The following CRELD1 variants were observed in gnomAD, a reference collection of about 807,000 sequenced individuals.
CRELD1 encodes the protein protein disulfide isomerase CRELD1.
A neutral mutation model predicts 58.2 loss-of-function variants in CRELD1; 42 were observed. That is an observed-to-expected ratio of 0.72 (90% confidence interval 0.56 to 0.93). The LOEUF (loss-of-function observed/expected upper bound fraction) is 0.93, where lower values mean the gene tolerates loss of function less well. Ranked by LOEUF, CRELD1 falls within the 40% of genes least tolerant of loss-of-function variation. The pLI is 0.00. For missense variants in CRELD1, 500 were observed against 540.6 expected, an observed-to-expected ratio of 0.92 and a Z score of 0.74; for synonymous variants, 222 against 202.0, an observed-to-expected ratio of 1.10 and a Z score of -0.84.
At position 9,943,452 on chromosome 3, in the gene CRELD1, C is replaced by G. The variant is rs28942091; in HGVS notation, c.985C>G (p.Arg329Gly). 5 of 1,613,852 alleles carry G rather than the reference C, an allele frequency of 3.1e-6. No homozygotes were observed. Among genetic ancestry groups the G allele is most frequent in the Non-Finnish European group, 4.2e-6 (5 of 1,179,952 alleles). ...GTGTGAAAACACCGAGGGCGGTTAT[C>G]GCTGCATCTGTGCCGAGGGCTACAA... ...KQCENTEGGY[R>G]CICAEGYKQM... The change falls in exon 10 of 11, where the codon CGC (arginine) becomes GGC (glycine). Residue 329 changes from arginine to glycine, a missense_variant. By Grantham distance (125) the Arg-to-Gly change is moderately radical. Coordinates refer to ENST00000452070, the MANE Select transcript of CRELD1 (RefSeq NM_001077415.3).
chr3:9,939,326 G>T (rs1381443956), intron 5 of CRELD1, among the ~76,000 whole-genome samples: 1 of 151,768 alleles, frequency 6.6e-6, no homozygotes, highest in Non-Finnish European at 1.5e-5. Flanking sequence ...ATATTATCTT[G>T]TTTTTTTTGT....
rs191670958 is a variant in CRELD1 at position 9,936,476 on chromosome 3, T to C, written c.258-1086T>C. Among the ~76,000 whole-genome samples, 130 of 152,138 alleles carry C rather than the reference T, an allele frequency of 8.5e-4. 1 individual carries two copies. The East Asian group carries it at 0.024, about 28-fold the overall frequency. On this transcript the variant is annotated intron_variant, in intron 3 of 10. Coordinates refer to ENST00000452070, the MANE Select transcript of CRELD1 (RefSeq NM_001077415.3). The stretch of plus-strand genomic sequence containing the variant: ...TTATATATGTGTGTATATATATGTG[T>C]GTGTGTATATATATATGTGTGTGTA...
rs1020316171 is a variant in CRELD1 at position 9,943,256 on chromosome 3, G to A, written c.913+84G>A. ...TGAAGAGGCTGGAATATGGGCAGGT[G>A]GGGGAAGGAAGGGTGGAATGTTGCC... On this transcript the variant is annotated intron_variant, in intron 9 of 10. Transcript: ENST00000452070. 2 of 1,590,038 alleles carry A rather than the reference G, an allele frequency of 1.3e-6. No homozygotes were observed. Among genetic ancestry groups the A allele is most frequent in the Non-Finnish European group, 1.7e-6 (2 of 1,159,154 alleles).
rs778992866 is a variant in CRELD1 at position 9,943,523 on chromosome 3, C to T, written c.1048+8C>T. On this transcript the variant is annotated splice_region_variant and intron_variant, in intron 10 of 10. Coordinates refer to ENST00000452070, the MANE Select transcript of CRELD1 (RefSeq NM_001077415.3). The stretch of plus-strand genomic sequence containing the variant: ...TGAAGGAGCAGATCCCAGGTGAGCC[C>T]TGGGGCGGGAGAGGGGAGGTCCTCA... 1.3e-5 allele frequency: 21 copies of T among 1,613,864 alleles called. No individual in the cohort carries two copies. The highest frequency in any genetic ancestry group is 1.8e-5 in the Non-Finnish European group (21 of 1,179,986).
intron 1 of CRELD1, chr3:9,934,217 C>T (rs961157865): frequency 5.1e-6 from 3 of 586,216 alleles, no homozygotes; most frequent in Non-Finnish European, 9.2e-6. Context: ...CCCATGCTAG[C>T]GAGGATAACT....
chr3:9,944,265 G>A lies in CRELD1; in HGVS notation c.1049-100G>A, dbSNP rs1362059212. On this transcript the variant is annotated intron_variant, in intron 10 of 10. Transcript: ENST00000452070. ...GTGCCTGGCTTGCTGGGCAGGCCTGGTGGCCATGATGATCAGGTGTGTGGG... is the reference window on the plus strand; with the variant it reads ...GTGCCTGGCTTGCTGGGCAGGCCTGATGGCCATGATGATCAGGTGTGTGGG... The A allele has an allele frequency of 2.7e-6, 3 of 1,096,794 alleles. No individual in the cohort carries two copies. In the African/African-American group the frequency reaches 4.6e-5, roughly 17 times the overall value. 67.9% of individuals were successfully genotyped at this position (1,096,794 alleles called of 1,614,324 possible).
At position 9,937,555 on chromosome 3, in the gene CRELD1, C is replaced by G. The variant is rs372228097; in HGVS notation, c.258-7C>G. The stretch of plus-strand genomic sequence containing the variant: ...TGTTTCCCACCAGCCCTGCCCTGTC[C>G]GATCAGTGAGACCCGCCTGGTAGAG... On this transcript the variant is annotated splice_region_variant and splice_polypyrimidine_tract_variant and intron_variant, in intron 3 of 10. Coordinates refer to ENST00000452070, the MANE Select transcript of CRELD1 (RefSeq NM_001077415.3). 7 of 1,602,808 alleles carry G rather than the reference C, an allele frequency of 4.4e-6. No homozygotes were observed. Among genetic ancestry groups the G allele is most frequent in the Non-Finnish European group, 6.0e-6 (7 of 1,173,106 alleles).
chr3:9,938,206 C>G (rs921851984), intron 5 of CRELD1, 100 bp downstream of exon 5: 10 of 905,818 alleles, frequency 1.1e-5, no homozygotes, highest in Non-Finnish European at 1.6e-5. Context: ...TCAGGCTACT[C>G]AGATAAACTT....
intron 1 of CRELD1, 80 bp downstream of exon 1, chr3:9,934,000 A>G: frequency 3.3e-6 from 1 of 305,468 alleles, no homozygotes; most frequent in Admixed American, 4.9e-5. Context: ...TTCCCTTCAT[A>G]TCCGGATCCG....
rs79347269 is a variant in CRELD1 at position 9,937,932 on chromosome 3, C to T, written c.369-83C>T. On this transcript the variant is annotated intron_variant, in intron 4 of 10. Coordinates refer to ENST00000452070, the MANE Select transcript of CRELD1 (RefSeq NM_001077415.3). ...TCCAAGCTGGGTTGAATCACAGATT[C>T]AGGCATGGGGGAATGGGAACAGCAC... 2.8e-3 allele frequency: 2,829 copies of T among 1,012,824 alleles called. 61 individuals carry two copies. In the East Asian group the frequency reaches 0.05, roughly 18 times the overall value. The allele number at this position is 1,012,824 out of a possible 1,614,324, so 62.7% of individuals were successfully genotyped here. A position where few individuals can be genotyped will look rare whatever the true frequency, so the allele number is the denominator to read the frequency against.
intron 7 of CRELD1, among the ~76,000 whole-genome samples, chr3:9,941,651 G>A (rs978239078): frequency 5.3e-5 from 8 of 151,844 alleles, no homozygotes; most frequent in Admixed American, 1.3e-4. Flanking sequence ...TTAGCTGGGC[G>A]TGGTGGCGGG....
Position 9,944,655 on chromosome 3 carries a change from C to G in CRELD1, c.*76C>G, listed in dbSNP as rs2085471649. On this transcript the variant is annotated 3_prime_UTR_variant, in exon 11 of 11. Transcript: ENST00000452070. Reference sequence around the variant, plus strand: ...TTGGGCTGCCCTCCTGCTGGACACTCAGGACAGCTTGGTTTATTTTTGAGA... The same window carrying G: ...TTGGGCTGCCCTCCTGCTGGACACTGAGGACAGCTTGGTTTATTTTTGAGA... 5 of 1,344,016 alleles carry G rather than the reference C, an allele frequency of 3.7e-6. No individual in the cohort carries two copies. In the Admixed American group the frequency reaches 7.9e-5, roughly 21 times the overall value. 83.3% of individuals were successfully genotyped at this position (1,344,016 alleles called of 1,614,324 possible).
At chr3:9,935,373 C>T (rs367990511) in intron 3 of CRELD1, among the ~76,000 whole-genome samples, 3 of 152,262 alleles carry the variant, frequency 2.0e-5, no homozygotes, top group African/African-American at 7.2e-5. Context: ...TCGAGGGCTA[C>T]AGAAAAGAGT....
chr3:9,937,301 A>T (rs1190131792), intron 3 of CRELD1, among the ~76,000 whole-genome samples: 1 of 152,122 alleles, frequency 6.6e-6, no homozygotes, highest in Non-Finnish European at 1.5e-5. Context: ...GTTACAACAA[A>T]CCTGCAGGGA....
rs774031552 is a variant in CRELD1 at position 9,937,567 on chromosome 3, C to T, written c.263C>T (p.Thr88Ile). The T allele has an allele frequency of 1.9e-6, 3 of 1,610,106 alleles. No homozygotes were observed. The South Asian group carries it at 3.3e-5, about 18-fold the overall frequency. Residue 88 changes from threonine (T) to isoleucine (I), a missense_variant, in exon 4 of 11, where the codon ACC (threonine) becomes ATC (isoleucine). Thr to Ile is a moderately conservative substitution (Grantham distance 89). Coordinates refer to ENST00000452070, the MANE Select transcript of CRELD1 (RefSeq NM_001077415.3). ...GCCCTGCCCTGTCCGATCAGTGAGA[C>T]CCGCCTGGTAGAGGTGCTGGAGGGT... ...ENLSKYKDSETRLVEVLEGVC... is the reference protein window; with the variant it reads ...ENLSKYKDSEIRLVEVLEGVC...
At chr3:9,941,247 GC>G in intron 7 of CRELD1, 41 bp downstream of exon 7, 1 of 1,563,236 alleles carries the variant, frequency 6.4e-7, no homozygotes, top group Non-Finnish European at 8.8e-7. Flanking sequence ...ATGGTCAGGG[GC>G]CTGGGCTTGG....
chr3:9,939,730 T>C (rs1054477660), intron 5 of CRELD1, among the ~76,000 whole-genome samples: 7 of 151,218 alleles, frequency 4.6e-5, no homozygotes, highest in Middle Eastern at 3.4e-3. Flanking sequence ...CCGTGTCTAC[T>C]TCTTTCTACA....
intron 5 of CRELD1, chr3:9,938,473 G>A (rs2085256981): frequency 1.2e-5 from 3 of 241,914 alleles, no homozygotes; most frequent in Middle Eastern, 2.9e-3. Context: ...CCTGGCACAA[G>A]AGCTGAACTT....
At chr3:9,937,697 G>C in intron 4 of CRELD1, 25 bp downstream of exon 4, 1 of 1,521,722 alleles carries the variant, frequency 6.6e-7, no homozygotes. Context: ...GCCTTCCCTG[G>C]AAGTGGGTCA....
Sources: gnomAD v4.1 joint callset for allele counts (sites outside exome capture counted in the v4.1 genomes callset) on GRCh38, gnomAD v4.1.1 for gene constraint, MANE v1.5 for transcripts, NCBI Gene and HGNC (gene_info 2026-07-23, HGNC 2026-07-21) for gene names.